The following NALCN variants were observed in gnomAD, a reference collection of about 807,000 sequenced individuals.
The protein encoded by NALCN is sodium leak channel, non-selective, also known as sodium leak channel NALCN.
NALCN carries 111 observed loss-of-function variants against 225.3 expected under a neutral mutation model. The ratio of observed to expected loss-of-function variants is 0.49; its 90% CI spans 0.42 to 0.58. The LOEUF is 0.58. Among genes scored for constraint, NALCN ranks in the 20% least tolerant of loss-of-function variants. The probability of loss-of-function intolerance (pLI) is 0.00; values close to 1 mark genes in which losing one functional copy is unlikely to be tolerated. For missense variants in NALCN, 1,378 were observed against 2,202.4 expected (o/e 0.63, Z 7.49); for synonymous variants, 764 against 769.0 (o/e 0.99, Z 0.11).
rs145266668 is a variant in NALCN, at chr13:101,306,436, C to T, written c.800-14070G>A. On this transcript the variant is annotated intron_variant, in intron 7 of 43. Transcript: ENST00000251127. The stretch of plus-strand genomic sequence containing the variant: ...CAATGGGTTGTTTTACCCTCTATGT[C>T]GAGAAATTCCTCTAGGTCCAGCCGT... Among the ~76,000 whole-genome samples the T allele has an allele frequency of 2.2e-4, 33 of 152,256 alleles. 1 individual carries two copies. The East Asian group carries it at 6.2e-3, about 29-fold the overall frequency.
At chr13:101,250,138 C>T (rs1405487625) in intron 11 of NALCN, among the ~76,000 whole-genome samples, 1 of 151,900 alleles carries the variant, frequency 6.6e-6, no homozygotes, top group Non-Finnish European at 1.5e-5. Context: ...GATATGTAGG[C>T]ATGAATGTAA....
At chr13:101,138,395 A>G (rs905685284) in intron 17 of NALCN, among the ~76,000 whole-genome samples, 1 of 152,234 alleles carries the variant, frequency 6.6e-6, no homozygotes, top group African/African-American at 2.4e-5. Context: ...AGGCTTATTA[A>G]AGAACTATCA....
At chr13:101,360,189 CCTCTCTCTCTCTCTCTCTCTCTCT>C (rs759523803) in intron 6 of NALCN, among the ~76,000 whole-genome samples, 4 of 89,242 alleles carry the variant, frequency 4.5e-5, no homozygotes, top group African/African-American at 1.6e-4. Flanking sequence ...TTCCTCTCTT[CCTCTCTCTCTCTCTCTCTCTCTCT>C]CTCTCTCTCT....
At chr13:101,296,806 CAAT>C (rs1054576913) in intron 7 of NALCN, among the ~76,000 whole-genome samples, 5 of 152,214 alleles carry the variant, frequency 3.3e-5, no homozygotes. Flanking sequence ...GCAATCACAA[CAAT>C]GATACTCATG....
intron 15 of NALCN, among the ~76,000 whole-genome samples, chr13:101,158,011 A>C (rs2037989510): frequency 6.6e-6 from 1 of 152,126 alleles, no homozygotes; most frequent in South Asian, 2.1e-4. Flanking sequence ...TCAGCCTCCC[A>C]AAGTGCTGAG....
rs1023378126 is a variant in NALCN, at chr13:101,403,538, C to T, written c.-39-4373G>A. The stretch of plus-strand genomic sequence containing the variant: ...TGTGTGATTTGTTATAACTGAAAAA[C>T]TTAATATTTGGGAATAAAGATGTGA... On this transcript the variant is annotated intron_variant, in intron 1 of 43. Transcript: ENST00000251127. 2.0e-5 allele frequency among the ~76,000 whole-genome samples: 3 copies of T among 152,158 alleles called. No homozygotes were observed. The South Asian group carries it at 6.2e-4, about 31-fold the overall frequency.
chr13:101,358,358 GAAAC>G (rs1219034029), intron 6 of NALCN, among the ~76,000 whole-genome samples: 2 of 151,796 alleles, frequency 1.3e-5, no homozygotes, highest in Non-Finnish European at 2.9e-5. Flanking sequence ...AAGAAAAAAA[GAAAC>G]AACCCCATCA....
intron 14 of NALCN, among the ~76,000 whole-genome samples, chr13:101,177,939 C>T (rs2039028187): frequency 6.6e-6 from 1 of 152,166 alleles, no homozygotes; most frequent in Admixed American, 6.5e-5. Context: ...TGCCAGCACC[C>T]TTCTTTTCAA....
intron 6 of NALCN, among the ~76,000 whole-genome samples, chr13:101,371,561 T>C (rs2046540527): frequency 6.6e-6 from 1 of 152,190 alleles, no homozygotes; most frequent in Non-Finnish European, 1.5e-5. Flanking sequence ...TGCTGTAAAG[T>C]TGTGATATTT....
intron 7 of NALCN, among the ~76,000 whole-genome samples, chr13:101,306,725 C>T (rs532800934): frequency 7.9e-5 from 12 of 152,332 alleles, no homozygotes; most frequent in African/African-American, 2.9e-4. Context: ...TCCTCACTGA[C>T]ACCTTAGTAC....
At chr13:101,257,626 T>G (rs973766757) in intron 11 of NALCN, among the ~76,000 whole-genome samples, 4 of 152,134 alleles carry the variant, frequency 2.6e-5, no homozygotes, top group Non-Finnish European at 5.9e-5. Flanking sequence ...TTTTCATAGG[T>G]TGGATTTATT....
intron 19 of NALCN, 65 bp downstream of exon 19, chr13:101,111,060 C>G: frequency 6.6e-7 from 1 of 1,505,200 alleles, no homozygotes; most frequent in Non-Finnish European, 9.2e-7. Context: ...CTGTGTACAG[C>G]GACCATTTCC....
At chr13:101,083,933 G>T in intron 30 of NALCN, 129 bp from the exon 31 acceptor site, 1 of 746,724 alleles carries the variant, frequency 1.3e-6, no homozygotes, top group Non-Finnish European at 2.0e-6. Context: ...TCCAACCGTG[G>T]TGGTGAGAGA....
At chr13:101,179,756 C>A (rs1245593018) in intron 14 of NALCN, among the ~76,000 whole-genome samples, 1 of 152,184 alleles carries the variant, frequency 6.6e-6, no homozygotes, top group African/African-American at 2.4e-5. Context: ...AGTACTGTAA[C>A]ACCGTGCACG....
intron 6 of NALCN, among the ~76,000 whole-genome samples, chr13:101,376,035 A>G (rs1320399266): frequency 6.6e-6 from 1 of 152,204 alleles, no homozygotes; most frequent in Non-Finnish European, 1.5e-5. Flanking sequence ...TATCTTACCC[A>G]CCAACCCTAC....
chr13:101,077,152 A>G (rs2033310863), intron 34 of NALCN, among the ~76,000 whole-genome samples: 1 of 152,180 alleles, frequency 6.6e-6, no homozygotes, highest in Non-Finnish European at 1.5e-5. Flanking sequence ...CCATGATCAT[A>G]AGTTTTCTGA....
Position 101,103,299 on chromosome 13 carries a change from G to C in NALCN, c.2930C>G (p.Pro977Arg), listed in dbSNP as rs143283182. Residue 977 changes from proline (P) to arginine (R), a missense_variant, in exon 26 of 44, where the codon CCT (proline) becomes CGT (arginine). Pro to Arg is a moderately radical substitution (Grantham distance 103). Coordinates refer to ENST00000251127, the MANE Select transcript of NALCN (RefSeq NM_052867.4). ...IFLCWMPQNVPAESGAQLLMV... is the reference protein window; with the variant it reads ...IFLCWMPQNVRAESGAQLLMV... The stretch of plus-strand genomic sequence containing the variant: ...TAGAAGCTGAGCTCCCGATTCAGCA[G>C]GTACATTTTGAGGCATCCAACAAAG... The C allele has an allele frequency of 2.2e-5, 36 of 1,613,552 alleles. No individual in the cohort carries two copies. Among genetic ancestry groups the C allele is most frequent in the Non-Finnish European group, 3.0e-5 (35 of 1,179,790 alleles).
chr13:101,304,351 G>A (rs2044078142), intron 7 of NALCN, among the ~76,000 whole-genome samples: 1 of 152,134 alleles, frequency 6.6e-6, no homozygotes, highest in South Asian at 2.1e-4. Flanking sequence ...ATGATGGTTT[G>A]CTGCACCTAT....
At chr13:101,058,651 T>C (rs900440315) in intron 42 of NALCN, 2 of 140,114 alleles carry the variant, frequency 1.4e-5, no homozygotes, top group Admixed American at 7.2e-5. Context: ...CACATCTCTT[T>C]AGTATCCTTT....
Sources: gnomAD v4.1 joint callset for allele counts (sites outside exome capture counted in the v4.1 genomes callset) on GRCh38, gnomAD v4.1.1 for gene constraint, MANE v1.5 for transcripts, NCBI Gene and HGNC (gene_info 2026-07-23, HGNC 2026-07-21) for gene names.